SLC35D4: variants seen among roughly 807,000 people sequenced by gnomAD.
SLC35D4 encodes UDP-N-acetylglucosamine transporter SLC35D4.
the SLC35D4 span, chr18:23,252,951 C>G: frequency 2.5e-6 from 4 of 1,577,450 alleles, no homozygotes; most frequent in Non-Finnish European, 3.5e-6. Context: ...GTTCCCCTGT[C>G]TGTTACAGAC....
chr18:23,300,653 C>T, the SLC35D4 span, among the ~76,000 whole-genome samples: 1 of 152,308 alleles, frequency 6.6e-6, no homozygotes, highest in South Asian at 2.1e-4. Flanking sequence ...TTCTAAACAG[C>T]AGGAAAGGCT....
At chr18:23,356,549 A>G in the SLC35D4 span, 474 of 1,598,724 alleles carry the variant, frequency 3.0e-4, 3 homozygotes, top group Admixed American at 5.3e-4. The surrounding 1 kb of genome is among the most constrained non-coding windows in gnomAD (Gnocchi z 4.1). Context: ...AGGAAGACAC[A>G]GCGGACAGCA....
At chr18:23,357,117 G>A in the SLC35D4 span, among the ~76,000 whole-genome samples, 1 of 152,092 alleles carries the variant, frequency 6.6e-6, no homozygotes, top group African/African-American at 2.4e-5. Context: ...GAGCATGCAG[G>A]ATAAAAGAAT....
chr18:23,255,237 G>A, the SLC35D4 span, among the ~76,000 whole-genome samples: 4 of 152,084 alleles, frequency 2.6e-5, no homozygotes, highest in Non-Finnish European at 5.9e-5. Flanking sequence ...CCTGGGAAGG[G>A]CAGTCCCTCT....
chr18:23,285,795 C>A, the SLC35D4 span, among the ~76,000 whole-genome samples: 1 of 152,158 alleles, frequency 6.6e-6, no homozygotes, highest in Non-Finnish European at 1.5e-5. Flanking sequence ...ACACCGGGTC[C>A]GGCTTACGGT....
the SLC35D4 span, chr18:23,384,996 C>G: frequency 6.2e-7 from 1 of 1,613,654 alleles, no homozygotes; most frequent in Non-Finnish European, 8.5e-7. Context: ...TTACCTCTTT[C>G]TGAAAACACT....
At chr18:23,382,970 G>A in the SLC35D4 span, among the ~76,000 whole-genome samples, 2 of 152,210 alleles carry the variant, frequency 1.3e-5, no homozygotes, top group African/African-American at 4.8e-5. Flanking sequence ...CACAGACTTG[G>A]TAATAGGCTG....
At chr18:23,365,721 C>T in the SLC35D4 span, 2 of 1,599,640 alleles carry the variant, frequency 1.3e-6, no homozygotes, top group Non-Finnish European at 1.7e-6. Flanking sequence ...CCAAAAACCC[C>T]AGCTGTTCCC....
the SLC35D4 span, among the ~76,000 whole-genome samples, chr18:23,392,942 G>C: frequency 6.6e-6 from 1 of 152,102 alleles, no homozygotes; most frequent in African/African-American, 2.4e-5. Flanking sequence ...TTGAGGCGGA[G>C]TCTCGCTCTG....
chr18:23,302,061 T>C, the SLC35D4 span, among the ~76,000 whole-genome samples: 1 of 152,262 alleles, frequency 6.6e-6, no homozygotes, highest in African/African-American at 2.4e-5. Context: ...TCAGCAAGTA[T>C]TCAACACTAG....
At chr18:23,369,753 G>A in the SLC35D4 span, among the ~76,000 whole-genome samples, 1 of 152,180 alleles carries the variant, frequency 6.6e-6, no homozygotes, top group Non-Finnish European at 1.5e-5. Flanking sequence ...CAAGAAGAGG[G>A]CCGGCTTCAA....
At chr18:23,437,926 C>T in the SLC35D4 span, 6 of 1,513,968 alleles carry the variant, frequency 4.0e-6, no homozygotes, top group Non-Finnish European at 5.4e-6. Flanking sequence ...ACCCCCGCAG[C>T]AGCAGCAGCG....
the SLC35D4 span, among the ~76,000 whole-genome samples, chr18:23,411,464 GAAAA>G: frequency 7.4e-6 from 1 of 135,160 alleles, no homozygotes; most frequent in Non-Finnish European, 1.6e-5. Flanking sequence ...AAGAAAGAAA[GAAAA>G]AAGAAAGAAA....
At chr18:23,280,291 C>A in the SLC35D4 span, among the ~76,000 whole-genome samples, 5 of 152,226 alleles carry the variant, frequency 3.3e-5, no homozygotes, top group Non-Finnish European at 7.3e-5. Context: ...ATTGGGTCTG[C>A]TCCTGCCCTG....
At chr18:23,270,501 G>A in the SLC35D4 span, among the ~76,000 whole-genome samples, 1 of 152,186 alleles carries the variant, frequency 6.6e-6, no homozygotes. Context: ...TGAGAAGAGG[G>A]CCACCATCTT....
chr18:23,430,490 G>C, the SLC35D4 span: 1 of 607,656 alleles, frequency 1.6e-6, no homozygotes, highest in East Asian at 2.9e-5. Flanking sequence ...GAACATAAAT[G>C]TCTGTTAATA....
the SLC35D4 span, chr18:23,421,538 C>T: frequency 9.4e-7 from 1 of 1,067,182 alleles, no homozygotes; most frequent in Non-Finnish European, 1.4e-6. Flanking sequence ...CACAAAGAGA[C>T]AAGTTCAACT....
At chr18:23,398,429 T>C in the SLC35D4 span, among the ~76,000 whole-genome samples, 1 of 152,176 alleles carries the variant, frequency 6.6e-6, no homozygotes, top group African/African-American at 2.4e-5. Context: ...GAGGAAACAC[T>C]CTTTGCAGGC....
the SLC35D4 span, among the ~76,000 whole-genome samples, chr18:23,285,598 T>C: frequency 6.6e-6 from 1 of 152,074 alleles, no homozygotes; most frequent in East Asian, 1.9e-4. Context: ...CAATGCAACT[T>C]GTCCCAAATC....
Sources: gnomAD v4.1 joint callset for allele counts (sites outside exome capture counted in the v4.1 genomes callset) on GRCh38, gnomAD v4.1.1 for gene constraint, Gnocchi (gnomAD v3.1) non-coding constraint, MANE v1.5 for transcripts, NCBI Gene and HGNC (gene_info 2026-07-23, HGNC 2026-07-21) for gene names.